PRELID2: variants seen among roughly 807,000 people sequenced by gnomAD.
The protein encoded by PRELID2 is PRELI domain-containing protein 2.
PRELID2 carries 25 observed loss-of-function variants against 28.4 expected under a neutral mutation model. The ratio of observed to expected loss-of-function variants is 0.88; its 90% CI spans 0.64 to 1.23. PRELID2 has a LOEUF of 1.23. Among genes scored for constraint, PRELID2 ranks in the 50% most tolerant of loss-of-function variants. PRELID2 has a pLI of 0.00. For synonymous variants in PRELID2, 76 were observed against 71.6 expected, an observed-to-expected ratio of 1.06 and a Z score of -0.31; for missense variants, 201 against 214.4, an observed-to-expected ratio of 0.94 and a Z score of 0.39.
chr5:145,705,201 T>C (rs1263046606), intron 1 of PRELID2, among the ~76,000 whole-genome samples: 3 of 152,020 alleles, frequency 2.0e-5, no homozygotes, highest in Non-Finnish European at 4.4e-5. Flanking sequence ...GTACCTTTTT[T>C]TTTTTTTGAG....
the PRELID2 span, among the ~76,000 whole-genome samples, chr5:145,329,868 G>C: frequency 6.6e-6 from 1 of 152,204 alleles, no homozygotes; most frequent in Non-Finnish European, 1.5e-5. Flanking sequence ...AGTTTTTAAA[G>C]GGAATGCTTC....
At chr5:145,829,114 T>C (rs1356865339) in intron 1 of PRELID2, among the ~76,000 whole-genome samples, 9 of 152,010 alleles carry the variant, frequency 5.9e-5, no homozygotes, top group Admixed American at 5.9e-4. Context: ...TTGCCCAGGC[T>C]GGTCTTGAAC....
chr5:145,343,423 C>G, the PRELID2 span, among the ~76,000 whole-genome samples: 1 of 151,398 alleles, frequency 6.6e-6, no homozygotes, highest in Non-Finnish European at 1.5e-5. Flanking sequence ...TCCTCAATAA[C>G]CATTTGAGTC....
At chr5:145,328,442 A>T in the PRELID2 span, among the ~76,000 whole-genome samples, 1 of 152,204 alleles carries the variant, frequency 6.6e-6, no homozygotes, top group African/African-American at 2.4e-5. Context: ...CCTCTCCAGC[A>T]TCTGTTATTT....
the PRELID2 span, among the ~76,000 whole-genome samples, chr5:145,285,175 G>A: frequency 6.6e-6 from 1 of 152,074 alleles, no homozygotes; most frequent in Non-Finnish European, 1.5e-5. Flanking sequence ...CCTGTCTCAA[G>A]GGATCACAGG....
chr5:145,276,058 C>G, the PRELID2 span, among the ~76,000 whole-genome samples: 1 of 152,100 alleles, frequency 6.6e-6, no homozygotes, highest in Non-Finnish European at 1.5e-5. Context: ...CTGCATAGCA[C>G]ATGAAGAAGT....
the PRELID2 span, among the ~76,000 whole-genome samples, chr5:145,448,387 AGTAGGTTGCGAAAATTTTCTCCCACGTT>A: frequency 6.6e-6 from 1 of 152,028 alleles, no homozygotes; most frequent in East Asian, 1.9e-4. Flanking sequence ...TTGTCAGATG[AGTAGGTTGCGAAAATTTTCTCCCACGTT>A]GTAGGTTGCC....
chr5:145,430,762 T>C, the PRELID2 span, among the ~76,000 whole-genome samples: 2 of 152,184 alleles, frequency 1.3e-5, no homozygotes, highest in African/African-American at 4.8e-5. Flanking sequence ...AGGGCCCCCA[T>C]GCTTAAAACT....
At chr5:145,398,405 C>A in the PRELID2 span, among the ~76,000 whole-genome samples, 1 of 152,206 alleles carries the variant, frequency 6.6e-6, no homozygotes, top group Non-Finnish European at 1.5e-5. Flanking sequence ...GTGGCCAAAT[C>A]AGTAACATAC....
intron 1 of PRELID2, among the ~76,000 whole-genome samples, chr5:145,519,528 TG>T (rs1256210252): frequency 6.6e-6 from 1 of 152,188 alleles, no homozygotes; most frequent in Non-Finnish European, 1.5e-5. Context: ...ATTATCCACT[TG>T]AAAAACATTA....
At chr5:145,581,111 C>G (rs1004971398) in intron 1 of PRELID2, among the ~76,000 whole-genome samples, 27 of 151,924 alleles carry the variant, frequency 1.8e-4, no homozygotes, top group African/African-American at 6.5e-4. Context: ...TAAAATAGCT[C>G]TTGCCTCTTC....
chr5:145,699,961 A>G (rs1414887235), intron 1 of PRELID2, among the ~76,000 whole-genome samples: 1 of 152,176 alleles, frequency 6.6e-6, no homozygotes, highest in African/African-American at 2.4e-5. Context: ...AGCTGAATAT[A>G]AGTTCTGCAA....
chr5:145,622,861 G>T (rs111453273), intron 1 of PRELID2, among the ~76,000 whole-genome samples: 3,424 of 151,894 alleles, frequency 0.023, 136 homozygotes, highest in African/African-American at 0.077. Flanking sequence ...AAATCCAAAA[G>T]AATCTATGAA....
chr5:145,231,272 A>T, the PRELID2 span, among the ~76,000 whole-genome samples: 1 of 151,074 alleles, frequency 6.6e-6, no homozygotes, highest in African/African-American at 2.4e-5. Flanking sequence ...TTTTAATTCC[A>T]CAGGTTTTGG....
At position 145,739,809 on chromosome 5, in the gene PRELID2, G is replaced by A. The variant is rs145687152; in HGVS notation, n.70+25122C>T. 7.2e-3 allele frequency among the ~76,000 whole-genome samples: 1,098 copies of A among 151,536 alleles called. 10 individuals are homozygous for A. Among genetic ancestry groups the A allele is most frequent in the African/African-American group, 0.025 (1,050 of 41,386 alleles). ...TTATGTATATATAATGTAATATATA[G>A]AGCAACCACCTAATTTTTTTAAAAA... On this transcript the variant is annotated intron_variant and non_coding_transcript_variant, in intron 1 of 2. Transcript: ENST00000510259.
chr5:145,515,480 C>T (rs1752507512), intron 1 of PRELID2, among the ~76,000 whole-genome samples: 1 of 152,128 alleles, frequency 6.6e-6, no homozygotes, highest in Non-Finnish European at 1.5e-5. Flanking sequence ...ATGACAAGTT[C>T]TGAAATTGAG....
chr5:145,809,413 A>T (rs1250314856), intron 4 of PRELID2, among the ~76,000 whole-genome samples: 1 of 152,232 alleles, frequency 6.6e-6, no homozygotes, highest in Non-Finnish European at 1.5e-5. Flanking sequence ...AGGGTGGGCC[A>T]AATGGGGCCC....
chr5:145,268,183 C>T, the PRELID2 span, among the ~76,000 whole-genome samples: 1 of 152,132 alleles, frequency 6.6e-6, no homozygotes, highest in African/African-American at 2.4e-5. Flanking sequence ...GTTGCCTGTA[C>T]TTGTAGAGTA....
intron 1 of PRELID2, among the ~76,000 whole-genome samples, chr5:145,614,449 G>A (rs1228263235): frequency 1.3e-5 from 2 of 152,210 alleles, no homozygotes; most frequent in Non-Finnish European, 1.5e-5. Context: ...ACCCATCCAT[G>A]AGCATGGGAT....
Sources: gnomAD v4.1 joint callset for allele counts (sites outside exome capture counted in the v4.1 genomes callset) on GRCh38, gnomAD v4.1.1 for gene constraint, MANE v1.5 for transcripts, NCBI Gene and HGNC (gene_info 2026-07-23, HGNC 2026-07-21) for gene names.